QKI: variants seen among roughly 807,000 people sequenced by gnomAD.
The protein encoded by QKI is KH domain-containing RNA-binding protein QKI.
QKI carries 10 observed loss-of-function variants against 39.0 expected under a neutral mutation model. The ratio of observed to expected loss-of-function variants is 0.26; its 90% CI spans 0.16 to 0.43. The LOEUF is 0.43. Among genes scored for constraint, QKI ranks in the 20% least tolerant of loss-of-function variants. QKI has a pLI of 1.00. For synonymous variants in QKI, 204 were observed against 155.4 expected (o/e 1.31, Z -2.33); for missense variants, 218 against 428.0 (o/e 0.51, Z 4.33).
chr6:163,447,908 G>A (rs979139380), intron 1 of QKI, among the ~76,000 whole-genome samples: 8 of 152,250 alleles, frequency 5.3e-5, no homozygotes, highest in Admixed American at 5.2e-4. Flanking sequence ...TAACATGAAA[G>A]CGAAATAGTC....
chr6:163,502,350 A>AAACC (rs1778825791), intron 3 of QKI, among the ~76,000 whole-genome samples: 1 of 152,118 alleles, frequency 6.6e-6, no homozygotes, highest in Non-Finnish European at 1.5e-5. Flanking sequence ...ACAAACAAAC[A>AAACC]AAAATATATA....
intron 4 of QKI, among the ~76,000 whole-genome samples, chr6:163,549,206 GA>G (rs976182285): frequency 2.6e-5 from 4 of 152,160 alleles, no homozygotes; most frequent in South Asian, 4.2e-4. Flanking sequence ...CAGAGAGGTT[GA>G]GGGGGGGGAC....
chr6:163,549,468 T>C (rs977684430), intron 4 of QKI, among the ~76,000 whole-genome samples: 2 of 152,142 alleles, frequency 1.3e-5, no homozygotes, highest in African/African-American at 4.8e-5. Flanking sequence ...CCTAGCACTT[T>C]GGGAGGCTGA....
chr6:163,524,975 A>T (rs1780399492), intron 3 of QKI, among the ~76,000 whole-genome samples: 1 of 152,218 alleles, frequency 6.6e-6, no homozygotes, highest in African/African-American at 2.4e-5. Context: ...AGCATAGATA[A>T]ATTCAAGCAT....
chr6:163,468,051 A>G (rs970599927), intron 2 of QKI, among the ~76,000 whole-genome samples: 6 of 152,132 alleles, frequency 3.9e-5, no homozygotes, highest in African/African-American at 1.2e-4. Context: ...CTCTCATCTT[A>G]CATACTTGTA....
At chr6:163,547,397 C>G (rs187066080) in intron 4 of QKI, among the ~76,000 whole-genome samples, 138 of 152,278 alleles carry the variant, frequency 9.1e-4, no homozygotes, top group African/African-American at 3.0e-3. Flanking sequence ...CTGTCATGCT[C>G]TCACTAGAAT....
rs1783992651 is a variant in QKI at position 163,576,678 on chromosome 6, A to T, written c.*5968A>T. ...GCAATAAACCAACTGGAAAAAGTGC[A>T]TGTGCTTCATCCTCTCAAGCCAACT... On this transcript the variant is annotated 3_prime_UTR_variant, in exon 8 of 8. Coordinates refer to ENST00000361752, the MANE Select transcript of QKI (RefSeq NM_006775.3). The T allele has an allele frequency of 6.6e-6, 1 of 152,292 alleles. No individual in the cohort carries two copies. The highest frequency in any genetic ancestry group is 2.4e-5 in the African/African-American group (1 of 41,558). The allele number at this position is 152,292 out of a possible 1,614,324, so 9.4% of individuals were successfully genotyped here.
chr6:163,496,308 A>T (rs1374339999), intron 3 of QKI, among the ~76,000 whole-genome samples: 1 of 152,190 alleles, frequency 6.6e-6, no homozygotes, highest in African/African-American at 2.4e-5. Flanking sequence ...CATTGTTATC[A>T]GTCCATGTGA....
At chr6:163,513,155 A>G (rs548199083) in intron 3 of QKI, among the ~76,000 whole-genome samples, 18 of 152,296 alleles carry the variant, frequency 1.2e-4, no homozygotes, top group African/African-American at 4.3e-4. Flanking sequence ...CGTAGTGTAT[A>G]TAGTGTTTGG....
At chr6:163,534,099 T>C (rs996996913) in intron 3 of QKI, among the ~76,000 whole-genome samples, 6 of 152,076 alleles carry the variant, frequency 3.9e-5, no homozygotes, top group Non-Finnish European at 8.8e-5. Context: ...TTATATATTC[T>C]TATTTTATTT....
chr6:163,475,362 G>T (rs1368545390), intron 2 of QKI, among the ~76,000 whole-genome samples: 1 of 152,086 alleles, frequency 6.6e-6, no homozygotes, highest in Non-Finnish European at 1.5e-5. Flanking sequence ...TATTTCCTAA[G>T]CAATGCAGCA....
chr6:163,420,590 C>A (rs896750805), intron 1 of QKI, among the ~76,000 whole-genome samples: 10 of 152,066 alleles, frequency 6.6e-5, no homozygotes, highest in African/African-American at 2.4e-4. Context: ...AACGGGACTT[C>A]ATTTTTTTCT....
At chr6:163,570,639 T>G (rs576585605) in intron 7 of QKI, 55 bp from the exon 8 acceptor site, 1 of 1,603,896 alleles carries the variant, frequency 6.2e-7, no homozygotes, top group East Asian at 2.2e-5. Context: ...TAATCTCTTC[T>G]CTATCTTTTC....
At chr6:163,438,369 C>G (rs1029217912) in intron 1 of QKI, among the ~76,000 whole-genome samples, 1 of 152,072 alleles carries the variant, frequency 6.6e-6, no homozygotes, top group East Asian at 1.9e-4. Flanking sequence ...GATATATATA[C>G]ACATACACAT....
intron 4 of QKI, among the ~76,000 whole-genome samples, chr6:163,557,069 A>C (rs1252184504): frequency 6.6e-5 from 10 of 152,196 alleles, no homozygotes; most frequent in Non-Finnish European, 1.5e-5. Flanking sequence ...ACATATCCAA[A>C]AAGTGGAAAC....
intron 4 of QKI, among the ~76,000 whole-genome samples, chr6:163,546,050 T>C (rs909164774): frequency 6.7e-6 from 1 of 148,390 alleles, no homozygotes; most frequent in Non-Finnish European, 1.5e-5. Context: ...TTATATAAAA[T>C]ATTAATATTT....
At chr6:163,540,241 AG>A (rs1216240451) in intron 4 of QKI, among the ~76,000 whole-genome samples, 4 of 152,056 alleles carry the variant, frequency 2.6e-5, no homozygotes, top group Non-Finnish European at 5.9e-5. Context: ...GGGTCCTAGC[AG>A]GGTGGGGAGT....
chr6:163,541,777 G>T (rs555789024), intron 4 of QKI, among the ~76,000 whole-genome samples: 170 of 151,708 alleles, frequency 1.1e-3, no homozygotes, highest in African/African-American at 3.7e-3. Context: ...TAATTTTGAG[G>T]TCTTTATTTT....
intron 4 of QKI, among the ~76,000 whole-genome samples, chr6:163,550,535 C>A (rs1423545549): frequency 2.0e-5 from 3 of 152,154 alleles, no homozygotes; most frequent in African/African-American, 7.2e-5. Context: ...TCTAACAGGG[C>A]AAATCCAGAG....
Sources: allele counts gnomAD v4.1 joint callset (sites outside exome capture counted in the v4.1 genomes callset), GRCh38; gene constraint gnomAD v4.1.1; transcripts MANE v1.5; gene names NCBI Gene and HGNC (gene_info 2026-07-23, HGNC 2026-07-21).